The following MYOF variants were observed in gnomAD, a reference collection of about 807,000 sequenced individuals.
MYOF encodes the protein fer-1-like 3, myoferlin.
In MYOF, 244 loss-of-function variants were observed where a neutral mutation model predicts 284.2. The observed-to-expected ratio is 0.86, with a 90% CI of 0.77 to 0.95. The LOEUF is 0.95. Ranked by LOEUF, MYOF falls within the 40% of genes least tolerant of loss-of-function variation. MYOF has a pLI of 0.00. For missense variants in MYOF, 2,496 were observed against 2,560.6 expected (o/e 0.97, Z 0.54); for synonymous variants, 904 against 919.7 (o/e 0.98, Z 0.31).
rs151194306 is a variant in MYOF at position 93,372,730 on chromosome 10, G to T, written c.2457+200C>A. Among the ~76,000 whole-genome samples the T allele has an allele frequency of 6.3e-3, 954 of 152,300 alleles. 12 individuals are homozygous for T. The highest frequency in any genetic ancestry group is 0.022 in the African/African-American group (913 of 41,560). ...TAATGTCACAAAGACATCTAAGGAG[G>T]TGTCCTTGATTGAAAGCTGGCCAAC... On this transcript the variant is annotated intron_variant, in intron 24 of 53. Transcript: ENST00000359263.
chr10:93,395,315 C>G (rs886216784), intron 16 of MYOF, among the ~76,000 whole-genome samples: 1 of 152,098 alleles, frequency 6.6e-6, no homozygotes, highest in African/African-American at 2.4e-5. Flanking sequence ...TGGTGGCATG[C>G]GCCTGTAGTC....
chr10:93,332,812 A>G (rs1843389563), intron 43 of MYOF, among the ~76,000 whole-genome samples: 2 of 152,034 alleles, frequency 1.3e-5, no homozygotes, highest in Non-Finnish European at 2.9e-5. Flanking sequence ...ACGCCACTGC[A>G]CTCCAGCATG....
intron 7 of MYOF, among the ~76,000 whole-genome samples, chr10:93,405,879 C>A (rs1847540525): frequency 6.7e-6 from 1 of 149,120 alleles, no homozygotes; most frequent in South Asian, 2.1e-4. Context: ...CTCACTGTAA[C>A]CTCCGCCTCC....
chr10:93,457,745 T>TC (rs1182458358), intron 1 of MYOF, among the ~76,000 whole-genome samples: 1 of 151,370 alleles, frequency 6.6e-6, no homozygotes, highest in African/African-American at 2.4e-5. Flanking sequence ...AATTTTTTTT[T>TC]TTTTTTGAGA....
intron 7 of MYOF, 100 bp downstream of exon 7, chr10:93,408,687 C>T (rs1427990236): frequency 6.6e-7 from 1 of 1,504,234 alleles, no homozygotes; most frequent in African/African-American, 1.4e-5. Context: ...CCTGTGATCT[C>T]TACTTGGAAC....
At chr10:93,397,575 AAACTTT>A (rs1181632321) in intron 13 of MYOF, 119 bp from the exon 14 acceptor site, 4 of 594,598 alleles carry the variant, frequency 6.7e-6, no homozygotes, top group Admixed American at 3.9e-5. Context: ...GAACCTGGTT[AAACTTT>A]ATTTTTCTTG....
chr10:93,317,584 C>T (rs934094550), intron 49 of MYOF, among the ~76,000 whole-genome samples: 16 of 152,274 alleles, frequency 1.1e-4, no homozygotes, highest in Admixed American at 3.3e-4. Context: ...TTGCAGTGAG[C>T]TGAGATCATA....
intron 48 of MYOF, among the ~76,000 whole-genome samples, chr10:93,322,801 T>G: frequency 6.6e-6 from 1 of 152,196 alleles, no homozygotes; most frequent in East Asian, 1.9e-4. Flanking sequence ...TACATCTGCT[T>G]AAGAAACTGA....
At chr10:93,375,943 G>A (rs897129136) in intron 22 of MYOF, among the ~76,000 whole-genome samples, 3 of 152,206 alleles carry the variant, frequency 2.0e-5, no homozygotes, top group Admixed American at 1.3e-4. Context: ...ACAGGGTGAG[G>A]ATTTCCACCA....
At chr10:93,434,243 C>T (rs1337151063) in intron 3 of MYOF, among the ~76,000 whole-genome samples, 1 of 151,900 alleles carries the variant, frequency 6.6e-6, no homozygotes, top group Non-Finnish European at 1.5e-5. Flanking sequence ...CCAGCCTGGC[C>T]AACATGGTGA....
rs555187235 is a variant in MYOF at position 93,469,197 on chromosome 10, C to A, written c.89-12260G>T. On this transcript the variant is annotated intron_variant, in intron 1 of 53. Transcript: ENST00000359263. ...GGTGGATCGCTTGAGGTCAGGAGTTCGAGGCCAGCCTGGCCAACTTGGTGA... is the reference window on the plus strand; with the variant it reads ...GGTGGATCGCTTGAGGTCAGGAGTTAGAGGCCAGCCTGGCCAACTTGGTGA... Among the ~76,000 whole-genome samples the A allele has an allele frequency of 3.9e-5, 6 of 152,124 alleles. No individual in the cohort carries two copies. In the South Asian group the frequency reaches 1.2e-3, roughly 32 times the overall value.
intron 1 of MYOF, among the ~76,000 whole-genome samples, chr10:93,467,412 CAG>C (rs2134371309): frequency 7.3e-5 from 1 of 13,688 alleles, no homozygotes; most frequent in East Asian, 0.016. Context: ...TGAGAACATG[CAG>C]TGTTTGGTTT....
intron 27 of MYOF, among the ~76,000 whole-genome samples, chr10:93,363,012 C>G (rs974068562): frequency 6.6e-6 from 1 of 152,028 alleles, no homozygotes. Context: ...TTATAAAAAC[C>G]AACGACTCAA....
chr10:93,372,915 A>T lies in MYOF; in HGVS notation c.2457+15T>A. 1 of 1,613,740 alleles carries T rather than the reference A, an allele frequency of 6.2e-7. No homozygotes were observed. The highest frequency in any genetic ancestry group is 1.1e-5 in the South Asian group (1 of 91,064). On this transcript the variant is annotated intron_variant, in intron 24 of 53. Transcript: ENST00000359263. Reference sequence around the variant, plus strand: ...GCATTTAGTGTGTTTCACATGACACAGTGAAGATATGTACCTTCAGAAAGA... The same window carrying T: ...GCATTTAGTGTGTTTCACATGACACTGTGAAGATATGTACCTTCAGAAAGA...
intron 13 of MYOF, among the ~76,000 whole-genome samples, chr10:93,398,581 TC>T (rs1847129719): frequency 6.6e-6 from 1 of 152,176 alleles, no homozygotes; most frequent in Admixed American, 6.5e-5. Context: ...AAATGGAAAC[TC>T]AGAGGGTAAA....
At chr10:93,367,548 G>C (rs1845382533) in intron 25 of MYOF, among the ~76,000 whole-genome samples, 1 of 152,172 alleles carries the variant, frequency 6.6e-6, no homozygotes, top group Non-Finnish European at 1.5e-5. Flanking sequence ...GTTATCCTAA[G>C]GGACCTTAAG....
intron 24 of MYOF, among the ~76,000 whole-genome samples, chr10:93,372,259 C>T (rs10786090): frequency 0.32 from 47,946 of 151,978 alleles, 8,694 homozygotes; most frequent in East Asian, 0.86. Flanking sequence ...TTCTTTGTTT[C>T]GGCCCTAGGC....
Position 93,408,824 on chromosome 10 carries a change from G to A in MYOF, c.692C>T (p.Thr231Ile). ...KVHVCGQTHR[T>I]RIKRGNNPFF... is the part of the protein sequence containing the mutation. ...AGGGTTGTTTCCTCTCTTGATTCTT[G>A]TTCGGTGTGTCTGGCCACAGACGTG... The change falls in exon 7 of 54, where the codon ACA (threonine) becomes ATA (isoleucine). Residue 231 changes from threonine to isoleucine, a missense_variant. Coordinates refer to ENST00000359263, the MANE Select transcript of MYOF (RefSeq NM_013451.4). 3 of 1,614,112 alleles carry A rather than the reference G, an allele frequency of 1.9e-6. No homozygotes were observed. The highest frequency in any genetic ancestry group is 2.5e-6 in the Non-Finnish European group (3 of 1,180,008).
intron 13 of MYOF, 66 bp downstream of exon 13, chr10:93,399,326 C>T: frequency 1.6e-6 from 2 of 1,263,544 alleles, no homozygotes; most frequent in Non-Finnish European, 2.2e-6. Flanking sequence ...GAATTCACTC[C>T]AAGGAAAGCA....
Sources: allele counts gnomAD v4.1 joint callset (sites outside exome capture counted in the v4.1 genomes callset), GRCh38; gene constraint gnomAD v4.1.1; transcripts MANE v1.5; gene names NCBI Gene and HGNC (gene_info 2026-07-23, HGNC 2026-07-21).